Variants in GALNT17 observed in about 807,000 individuals in gnomAD.
GALNT17 encodes polypeptide N-acetylgalactosaminyltransferase 17, also known as UDP-GalNAc:polypeptide N-acetylgalactosaminyltransferase-like 3.
In GALNT17, 29 loss-of-function variants were observed where a neutral mutation model predicts 63.7. The ratio of observed to expected loss-of-function variants is 0.46; its 90% CI spans 0.34 to 0.62. The LOEUF is 0.62. GALNT17 is among the 20% of genes least tolerant of loss of function. The probability of loss-of-function intolerance (pLI) is 0.01; values close to 1 mark genes in which losing one functional copy is unlikely to be tolerated. For synonymous variants in GALNT17, 305 were observed against 318.3 expected (o/e 0.96, Z 0.45); for missense variants, 603 against 799.6 (o/e 0.75, Z 2.97).
At chr7:71,149,171 A>G (rs899052632) in intron 1 of GALNT17, among the ~76,000 whole-genome samples, 1 of 152,112 alleles carries the variant, frequency 6.6e-6, no homozygotes, top group Non-Finnish European at 1.5e-5. Flanking sequence ...CTCCTGCCTC[A>G]GCCTCCTGAG....
intron 1 of GALNT17, among the ~76,000 whole-genome samples, chr7:71,210,065 G>A (rs1050069383): frequency 1.3e-5 from 2 of 152,088 alleles, no homozygotes; most frequent in East Asian, 3.9e-4. Context: ...TGGGATTATA[G>A]GCACCTGCCA....
intron 2 of GALNT17, among the ~76,000 whole-genome samples, chr7:71,349,742 T>C (rs1792158814): frequency 6.6e-6 from 1 of 152,218 alleles, no homozygotes; most frequent in Non-Finnish European, 1.5e-5. Context: ...AATGTGATTA[T>C]GTCTCCATGG....
At chr7:71,338,754 G>A (rs569211656) in intron 2 of GALNT17, among the ~76,000 whole-genome samples, 88 of 152,262 alleles carry the variant, frequency 5.8e-4, no homozygotes, top group African/African-American at 2.1e-3. Flanking sequence ...TTTAGAGTGT[G>A]TCCTTGCTTG....
chr7:71,141,298 C>T (rs1190345839), intron 1 of GALNT17, among the ~76,000 whole-genome samples: 1 of 150,790 alleles, frequency 6.6e-6, no homozygotes, highest in Non-Finnish European at 1.5e-5. Flanking sequence ...ACCTGAGAGG[C>T]GGAGGTTGCA....
At chr7:71,371,944 G>A (rs1792631359) in intron 2 of GALNT17, among the ~76,000 whole-genome samples, 1 of 152,076 alleles carries the variant, frequency 6.6e-6, no homozygotes, top group Admixed American at 6.6e-5. Context: ...GGCTTGTTCT[G>A]GAGCCATCCT....
intron 5 of GALNT17, among the ~76,000 whole-genome samples, chr7:71,541,290 G>A (rs966246682): frequency 1.3e-5 from 2 of 151,312 alleles, no homozygotes; most frequent in Non-Finnish European, 2.9e-5. Context: ...GGCCTTATGT[G>A]TGCTGGGCCT....
chr7:71,705,799 G>A (rs1417039732), intron 9 of GALNT17, among the ~76,000 whole-genome samples: 1 of 152,188 alleles, frequency 6.6e-6, no homozygotes, highest in Non-Finnish European at 1.5e-5. Context: ...GAAAGTTGAA[G>A]CCAGAACATT....
chr7:71,196,955 A>AT (rs200234663), intron 1 of GALNT17, among the ~76,000 whole-genome samples: 3 of 149,300 alleles, frequency 2.0e-5, no homozygotes, highest in South Asian at 2.1e-4. Flanking sequence ...TGCCCCGCCA[A>AT]TTTTTTTTTA....
rs148721427 is a variant in GALNT17 at position 71,533,313 on chromosome 7, G to T, written c.963-37972G>T. Among the ~76,000 whole-genome samples, 31 of 152,196 alleles carry T rather than the reference G, an allele frequency of 2.0e-4. 2 individuals are homozygous for T. On this transcript the variant is annotated intron_variant, in intron 5 of 10. Coordinates refer to ENST00000333538, the MANE Select transcript of GALNT17 (RefSeq NM_022479.3). ...AGACTATGAGACGATGTATTCTTGC[G>T]TCTTGCAGTTGATAACAACCAAAAC...
chr7:71,488,889 C>CTTTTTTTTTTT (rs369124996), intron 5 of GALNT17, among the ~76,000 whole-genome samples: 1 of 54,724 alleles, frequency 1.8e-5, no homozygotes, highest in African/African-American at 7.4e-5. Context: ...GCCAGGTTTC[C>CTTTTTTTTTTT]TTTTTTTTTT....
At chr7:71,593,771 C>T (rs1260666570) in intron 6 of GALNT17, among the ~76,000 whole-genome samples, 1 of 152,196 alleles carries the variant, frequency 6.6e-6, no homozygotes, top group Non-Finnish European at 1.5e-5. Flanking sequence ...GTGCGTTGGA[C>T]AACTCCACAA....
intron 1 of GALNT17, among the ~76,000 whole-genome samples, chr7:71,314,670 G>A (rs1791470839): frequency 6.6e-6 from 1 of 152,168 alleles, no homozygotes; most frequent in East Asian, 1.9e-4. Context: ...GGAGGCCACA[G>A]GAGAAGGATC....
intron 2 of GALNT17, among the ~76,000 whole-genome samples, chr7:71,383,337 G>T (rs528136686): frequency 3.9e-5 from 6 of 152,056 alleles, no homozygotes; most frequent in African/African-American, 1.4e-4. Context: ...CATAAACTAC[G>T]CACATCCTCA....
At chr7:71,282,718 T>G (rs1036798649) in intron 1 of GALNT17, among the ~76,000 whole-genome samples, 5 of 151,496 alleles carry the variant, frequency 3.3e-5, no homozygotes, top group Non-Finnish European at 7.4e-5. Context: ...GGGGGATGTC[T>G]GCTTCTATGG....
intron 1 of GALNT17, among the ~76,000 whole-genome samples, chr7:71,209,241 G>A (rs568391684): frequency 1.3e-5 from 2 of 152,278 alleles, no homozygotes; most frequent in African/African-American, 4.8e-5. Flanking sequence ...AAGGCAGTGG[G>A]CAAGATTTGG....
intron 1 of GALNT17, among the ~76,000 whole-genome samples, chr7:71,210,197 A>G (rs1365417087): frequency 2.6e-5 from 4 of 152,180 alleles, no homozygotes; most frequent in Non-Finnish European, 5.9e-5. Context: ...TTTGAGACTT[A>G]TTCACTATCA....
At chr7:71,615,231 A>C (rs1790183601) in intron 6 of GALNT17, among the ~76,000 whole-genome samples, 1 of 152,132 alleles carries the variant, frequency 6.6e-6, no homozygotes, top group Non-Finnish European at 1.5e-5. Context: ...TGTCATATTT[A>C]ATTTTAGCTG....
At chr7:71,200,954 T>C (rs1789154186) in intron 1 of GALNT17, among the ~76,000 whole-genome samples, 1 of 152,006 alleles carries the variant, frequency 6.6e-6, no homozygotes. Context: ...TTATTCTGAT[T>C]ATATTTTTAA....
intron 5 of GALNT17, among the ~76,000 whole-genome samples, chr7:71,529,667 A>AG (rs1363559312): frequency 1.3e-5 from 2 of 152,328 alleles, no homozygotes; most frequent in East Asian, 3.9e-4. Flanking sequence ...AGCTTCAAGT[A>AG]GCATTCTTTA....
Sources: gnomAD v4.1 joint callset for allele counts (sites outside exome capture counted in the v4.1 genomes callset) on GRCh38, gnomAD v4.1.1 for gene constraint, MANE v1.5 for transcripts, NCBI Gene and HGNC (gene_info 2026-07-23, HGNC 2026-07-21) for gene names.